Variants in CEP72 observed in about 807,000 individuals in gnomAD.
The protein encoded by CEP72 is centrosomal protein of 72 kDa.
CEP72 carries 78 observed loss-of-function variants against 65.7 expected under a neutral mutation model. The observed-to-expected ratio is 1.19, with a 90% CI of 0.99 to 1.43. The LOEUF (loss-of-function observed/expected upper bound fraction) is 1.43. Ranked by LOEUF, CEP72 falls within the 40% of genes most tolerant of loss-of-function variation. The pLI is 0.00. For missense variants in CEP72, 914 were observed against 832.9 expected, an observed-to-expected ratio of 1.10 and a Z score of -1.20; for synonymous variants, 358 against 351.7, an observed-to-expected ratio of 1.02 and a Z score of -0.20.
the CEP72 span, among the ~76,000 whole-genome samples, chr5:675,364 A>C: frequency 5.9e-5 from 1 of 16,972 alleles, no homozygotes. Context: ...GGGGGTGTGC[A>C]GTGTGGCCGG....
At chr5:650,717 C>T (rs796189496) in intron 11 of CEP72, among the ~76,000 whole-genome samples, 143 of 19,218 alleles carry the variant, frequency 7.4e-3, no homozygotes, top group Non-Finnish European at 7.8e-3. Flanking sequence ...GACTGTGAGG[C>T]GTGGACTGTG....
chr5:669,804 G>GC (rs1412958341), downstream of CEP72, among the ~76,000 whole-genome samples: 2 of 151,986 alleles, frequency 1.3e-5, no homozygotes, highest in Non-Finnish European at 2.9e-5. Flanking sequence ...AGACCCGGGT[G>GC]CCCCCCGCCT....
intron 2 of CEP72, chr5:663,797 G>T (rs1739782004): frequency 6.6e-6 from 1 of 152,398 alleles, no homozygotes; most frequent in Admixed American, 6.5e-5. Context: ...TCATCCGCAG[G>T]TAGACTCCAG....
At chr5:614,657 G>A (rs1485318030) in intron 1 of CEP72, among the ~76,000 whole-genome samples, 3 of 151,904 alleles carry the variant, frequency 2.0e-5, no homozygotes, top group Non-Finnish European at 2.9e-5. Context: ...CACCGCGCCC[G>A]GCCTGACCTG....
In CEP72 at chr5:628,819, CCGTCCCCAGGG is replaced by C. The variant is rs1372764504; in HGVS notation, c.512+4241_512+4251del. Among the ~76,000 whole-genome samples, 22 of 140,114 alleles carry C rather than the reference CCGTCCCCAGGG, an allele frequency of 1.6e-4. 4 individuals carry two copies. Among genetic ancestry groups the C allele is most frequent in the African/African-American group, 5.9e-4 (22 of 37,380 alleles). The allele number at this position is 140,114 out of a possible 152,430, so 91.9% of individuals were successfully genotyped here. On this transcript the variant is annotated intron_variant, in intron 4 of 11. Transcript: ENST00000264935. ...TGCAGCTTCTGGAGAACTCAGGTTG[CCGTCCCCAGGG>C]AGTGGCCCCAGGACCCAGCGCCCTT...
rs140824465 is a variant in CEP72 at position 637,685 on chromosome 5, A to C, written c.1073A>C (p.His358Pro). The C allele has an allele frequency of 1.9e-6, 3 of 1,613,764 alleles. No individual in the cohort carries two copies. Among genetic ancestry groups the C allele is most frequent in the Non-Finnish European group, 2.5e-6 (3 of 1,180,026 alleles). The change falls in exon 7 of 12, where the codon CAT becomes CCT. Residue 358 changes from histidine (H) to proline (P), a missense_variant. Coordinates refer to ENST00000264935, the MANE Select transcript of CEP72 (RefSeq NM_018140.4). ...QEGLGCPERT[H>P]GSSVPKESLS... is the part of the protein sequence containing the mutation. ...GGTTTGGGCTGCCCGGAGAGAACTC[A>C]TGGGTCCTCCGTGCCCAAGGAGAGC...
the CEP72 span, among the ~76,000 whole-genome samples, chr5:672,424 C>T: frequency 6.6e-6 from 1 of 152,272 alleles, no homozygotes; most frequent in Admixed American, 6.5e-5. Context: ...ATACACCACA[C>T]CCAGCACACA....
At chr5:637,842 C>T (rs559951539) in intron 7 of CEP72, 24 bp downstream of exon 7, 108 of 1,502,428 alleles carry the variant, frequency 7.2e-5, no homozygotes, top group African/African-American at 9.8e-5. Flanking sequence ...TGGGGAGCAG[C>T]AGGCCCACGG....
chr5:644,559 C>T (rs1478825477), intron 10 of CEP72, 134 bp downstream of exon 10: 3 of 1,028,878 alleles, frequency 2.9e-6, no homozygotes, highest in East Asian at 2.4e-5. Flanking sequence ...AGCCGAGCCC[C>T]TGCCTCACTG....
At chr5:617,356 G>C (rs1478648784) in intron 1 of CEP72, among the ~76,000 whole-genome samples, 1 of 152,208 alleles carries the variant, frequency 6.6e-6, no homozygotes, top group African/African-American at 2.4e-5. Context: ...AACTGGAAGA[G>C]CTCAAACCAA....
chr5:668,361 A>G (rs1740032475), downstream of CEP72, among the ~76,000 whole-genome samples: 1 of 112,156 alleles, frequency 8.9e-6, no homozygotes, highest in Non-Finnish European at 1.8e-5. Context: ...GGACAAGCAC[A>G]CTGGAGAGGG....
At chr5:651,606 G>A (rs1325179318) in intron 11 of CEP72, among the ~76,000 whole-genome samples, 1 of 152,026 alleles carries the variant, frequency 6.6e-6, no homozygotes, top group Non-Finnish European at 1.5e-5. Flanking sequence ...GAAGGGGGCT[G>A]GGTGTGAGGG....
chr5:658,163 G>A (rs1474513300), downstream of CEP72, among the ~76,000 whole-genome samples: 2 of 152,360 alleles, frequency 1.3e-5, no homozygotes, highest in Middle Eastern at 3.4e-3. Context: ...CCAGGGGCAG[G>A]GAGTACAGGG....
rs756674664 is a variant in CEP72 at position 620,107 on chromosome 5, C to G, written c.249C>G (p.Leu83=). The change falls in exon 3 of 12, where the codon CTC becomes CTG. Residue 83 remains leucine, a synonymous_variant. Coordinates refer to ENST00000264935, the MANE Select transcript of CEP72 (RefSeq NM_018140.4). ...TGACTGCATTGGAGAGTCTCAATCT[C>G]TACTACAACTGCATCTCCTCGTTGG... ...QYLTALESLN[L]YYNCISSLAE... is the part of the protein sequence containing the mutation. The G allele has an allele frequency of 3.7e-6, 6 of 1,614,092 alleles. No homozygotes were observed. The highest frequency in any genetic ancestry group is 5.1e-6 in the Non-Finnish European group (6 of 1,179,920).
In CEP72 at chr5:645,037, T is replaced by G. The variant is rs559403959; in HGVS notation, c.1666+612T>G. 2.0e-5 allele frequency among the ~76,000 whole-genome samples: 3 copies of G among 152,190 alleles called. No individual in the cohort carries two copies. The highest frequency in any genetic ancestry group is 6.5e-5 in the Admixed American group (1 of 15,276). ...CTGCTGTCCACGGTAACCTTCTCGG[T>G]GTGGCGTGGAGTCTCTTGGAAGTTT... On this transcript the variant is annotated intron_variant, in intron 10 of 11. Coordinates refer to ENST00000264935, the MANE Select transcript of CEP72 (RefSeq NM_018140.4). This position sits in a 1 kb window ranked among gnomAD's most constrained non-coding sequence, Gnocchi z 4.0.
At chr5:667,837 G>A (rs974439711), downstream of CEP72, among the ~76,000 whole-genome samples, 2 of 149,766 alleles carry the variant, frequency 1.3e-5, no homozygotes, top group African/African-American at 5.0e-5. Context: ...AGCACACGGA[G>A]AGGGGTCCGC....
intron 4 of CEP72, among the ~76,000 whole-genome samples, chr5:625,514 C>T (rs949267888): frequency 6.6e-6 from 1 of 152,140 alleles, no homozygotes; most frequent in Non-Finnish European, 1.5e-5. Context: ...ATGGTGTGCC[C>T]GTAAGATGCC....
At chr5:676,603 A>T in the CEP72 span, 1 of 152,288 alleles carries the variant, frequency 6.6e-6, no homozygotes, top group Non-Finnish European at 1.5e-5. Context: ...CCATTGCCAC[A>T]CAGGCGGACA....
chr5:642,615 CTTT>C (rs1021648789), intron 9 of CEP72: 1 of 985,354 alleles, frequency 1.0e-6, no homozygotes, highest in African/African-American at 1.7e-5. Context: ...TGGACGCCTG[CTTT>C]TTTGCCCTCT....
Sources: allele counts gnomAD v4.1 joint callset (sites outside exome capture counted in the v4.1 genomes callset), GRCh38; gene constraint gnomAD v4.1.1; non-coding constraint Gnocchi (gnomAD v3.1); transcripts MANE v1.5; gene names NCBI Gene and HGNC (gene_info 2026-07-23, HGNC 2026-07-21).